TMPRSS7: variants seen among roughly 807,000 people sequenced by gnomAD.
TMPRSS7 encodes the protein transmembrane serine protease 7.
Under a neutral mutation model 95.6 loss-of-function variants are expected in TMPRSS7, and 81 were observed. That is an observed-to-expected ratio of 0.85 (90% confidence interval 0.71 to 1.02). The LOEUF (loss-of-function observed/expected upper bound fraction) is 1.02, where lower values mean the gene tolerates loss of function less well. Among genes scored for constraint, TMPRSS7 ranks in the 50% least tolerant of loss-of-function variants. The pLI is 0.00. For synonymous variants in TMPRSS7, 364 were observed against 337.8 expected (o/e 1.08, Z -0.85); for missense variants, 945 against 955.2 (o/e 0.99, Z 0.14).
At chr3:112,045,169 A>G (rs1402998192) in intron 4 of TMPRSS7, among the ~76,000 whole-genome samples, 1 of 152,116 alleles carries the variant, frequency 6.6e-6, no homozygotes, top group Non-Finnish European at 1.5e-5. Context: ...CTTTTTTGAG[A>G]CAGAGTCTCG....
intron 7 of TMPRSS7, among the ~76,000 whole-genome samples, chr3:112,049,197 G>A (rs2073315542): frequency 6.6e-6 from 1 of 152,198 alleles, no homozygotes; most frequent in Non-Finnish European, 1.5e-5. Flanking sequence ...ATCGAGATAA[G>A]GGGTAGCTGA....
chr3:112,062,045 A>G (rs922160312), intron 11 of TMPRSS7, 122 bp downstream of exon 11: 1 of 518,880 alleles, frequency 1.9e-6, no homozygotes, highest in Non-Finnish European at 2.9e-6. Flanking sequence ...TTCCTTTTAC[A>G]TACTTATTTC....
chr3:112,063,097 A>C (rs577784573), intron 11 of TMPRSS7, among the ~76,000 whole-genome samples: 1 of 152,234 alleles, frequency 6.6e-6, no homozygotes, highest in African/African-American at 2.4e-5. Flanking sequence ...AGGATAACTC[A>C]TCTGATCACA....
chr3:112,038,389 C>A, intron 2 of TMPRSS7, 68 bp downstream of exon 2: 1 of 649,588 alleles, frequency 1.5e-6, no homozygotes, highest in South Asian at 1.7e-5. Flanking sequence ...AGCAATGCAG[C>A]CCTAATCTGC....
At chr3:112,048,033 G>A in intron 7 of TMPRSS7, 66 bp downstream of exon 7, 1 of 1,477,656 alleles carries the variant, frequency 6.8e-7, no homozygotes, top group Non-Finnish European at 9.3e-7. Flanking sequence ...TACAGTATCT[G>A]TGTTCCCCCT....
chr3:112,039,365 T>TA (rs1559950980), intron 2 of TMPRSS7, among the ~76,000 whole-genome samples: 1 of 152,256 alleles, frequency 6.6e-6, no homozygotes. Context: ...TTTTGGTTTA[T>TA]ATACATACAT....
intron 16 of TMPRSS7, among the ~76,000 whole-genome samples, chr3:112,077,492 T>C (rs1262992800): frequency 6.6e-6 from 1 of 152,128 alleles, no homozygotes; most frequent in African/African-American, 2.4e-5. Context: ...ATGATTCATT[T>C]ATAAAGGAGA....
intron 13 of TMPRSS7, among the ~76,000 whole-genome samples, chr3:112,070,452 T>C (rs1328846132): frequency 6.6e-6 from 1 of 152,216 alleles, no homozygotes; most frequent in Non-Finnish European, 1.5e-5. Context: ...ATTATTATTG[T>C]GTGGGAGTCT....
chr3:112,047,673 TTC>T (rs2073296260), intron 6 of TMPRSS7, 64 bp from the exon 7 acceptor site: 4 of 1,249,922 alleles, frequency 3.2e-6, no homozygotes, highest in Non-Finnish European at 4.5e-6. Context: ...CTATAAAGAT[TTC>T]TGTTTTTATA....
chr3:112,075,437 T>C, exon 15 of TMPRSS7: 1 of 1,553,264 alleles, frequency 6.4e-7, no homozygotes, highest in Non-Finnish European at 8.7e-7. Context: ...CTGTGGTGCC[T>C]CAGTCATCTC....
Position 112,036,990 on chromosome 3 carries a change from T to G in TMPRSS7, c.49-1082T>G, listed in dbSNP as rs150940016. On this transcript the variant is annotated intron_variant, in intron 1 of 17. Transcript: ENST00000452346. ...TCTTTACTTTAATCTCTTAATCCCG[T>G]CATCTTTGTAAACTGAGGATGTATG... Among the ~76,000 whole-genome samples the G allele has an allele frequency of 5.2e-3, 794 of 152,326 alleles. 10 individuals carry two copies. Among genetic ancestry groups the G allele is most frequent in the African/African-American group, 0.018 (761 of 41,566 alleles).
At chr3:112,049,786 G>A in intron 7 of TMPRSS7, 58 bp from the exon 8 acceptor site, 1 of 1,386,228 alleles carries the variant, frequency 7.2e-7, no homozygotes, top group South Asian at 1.7e-5. Flanking sequence ...TTTGAATGGA[G>A]ACCCATTTCT....
At chr3:112,038,625 C>T (rs1464979597) in intron 2 of TMPRSS7, among the ~76,000 whole-genome samples, 1 of 140,380 alleles carries the variant, frequency 7.1e-6, no homozygotes, top group Non-Finnish European at 1.6e-5. Context: ...TCTATGCCAG[C>T]ACACCTGGGC....
chr3:112,064,152 C>T (rs574132744), intron 12 of TMPRSS7, among the ~76,000 whole-genome samples: 5 of 152,252 alleles, frequency 3.3e-5, no homozygotes, highest in East Asian at 1.9e-4. Flanking sequence ...AATACTACCA[C>T]GGGGAGTAAA....
intron 10 of TMPRSS7, among the ~76,000 whole-genome samples, chr3:112,058,501 G>A (rs1009198688): frequency 1.3e-5 from 2 of 152,054 alleles, no homozygotes; most frequent in Non-Finnish European, 2.9e-5. Flanking sequence ...TTGCATTTAC[G>A]AAATCATGTA....
At chr3:112,064,344 G>GTTT (rs2073549013) in intron 12 of TMPRSS7, among the ~76,000 whole-genome samples, 2 of 24,250 alleles carry the variant, frequency 8.2e-5, no homozygotes, top group South Asian at 5.6e-3. Flanking sequence ...TTTTGTGTGT[G>GTTT]TGTTTTCTTT....
At chr3:112,039,950 T>TTGGTAGC (rs1576095300) in intron 2 of TMPRSS7, among the ~76,000 whole-genome samples, 2 of 152,186 alleles carry the variant, frequency 1.3e-5, no homozygotes, top group East Asian at 3.8e-4. Context: ...ACACGAACTC[T>TTGGTAGC]TGGTAGCTGG....
intron 1 of TMPRSS7, among the ~76,000 whole-genome samples, chr3:112,035,965 G>C (rs941977863): frequency 6.6e-6 from 1 of 152,010 alleles, no homozygotes; most frequent in East Asian, 1.9e-4. Context: ...CAATGGCAGC[G>C]GCTGGCAATG....
rs770713452 is a variant in TMPRSS7 at position 112,045,970 on chromosome 3, C to A, written c.691+27C>A. The stretch of plus-strand genomic sequence containing the variant: ...TGATTGTTGGGTAATTTTCCTTTAG[C>A]ATTCCTTCCTGCAGGACTCCTGATA... On this transcript the variant is annotated intron_variant, in intron 5 of 17. Coordinates refer to ENST00000452346, the Ensembl canonical transcript of TMPRSS7. 10 of 1,527,536 alleles carry A rather than the reference C, an allele frequency of 6.5e-6. No homozygotes were observed. The Middle Eastern group carries it at 7.0e-4, about 107-fold the overall frequency. 94.6% of individuals were successfully genotyped at this position (1,527,536 alleles called of 1,614,324 possible).
Sources: allele counts gnomAD v4.1 joint callset (sites outside exome capture counted in the v4.1 genomes callset), GRCh38; gene constraint gnomAD v4.1.1; transcripts MANE v1.5; gene names NCBI Gene and HGNC (gene_info 2026-07-23, HGNC 2026-07-21).